Variants in RNGTT observed in about 807,000 individuals in gnomAD.
The protein encoded by RNGTT is RNA guanylyltransferase and 5'-phosphatase, also known as mRNA-capping enzyme.
In RNGTT, 33 loss-of-function variants were observed where a neutral mutation model predicts 79.3. The observed-to-expected ratio is 0.42, with a 90% CI of 0.32 to 0.56. The LOEUF (loss-of-function observed/expected upper bound fraction) is 0.56. Ranked by LOEUF, RNGTT falls within the 20% of genes least tolerant of loss-of-function variation. RNGTT has a pLI of 0.17. For missense variants in RNGTT, 497 were observed against 739.1 expected (o/e 0.67, Z 3.80); for synonymous variants, 222 against 235.9 (o/e 0.94, Z 0.54).
intron 13 of RNGTT, among the ~76,000 whole-genome samples, chr6:88,691,407 T>C (rs547096166): frequency 5.3e-5 from 8 of 152,296 alleles, no homozygotes; most frequent in Non-Finnish European, 1.0e-4. Context: ...TTTATAGCAA[T>C]GCAAGAATGA....
chr6:88,727,340 TTAAAG>T (rs71554794), intron 13 of RNGTT, among the ~76,000 whole-genome samples: 1,570 of 152,326 alleles, frequency 0.01, 17 homozygotes, highest in Non-Finnish European at 0.017. Flanking sequence ...ATTTTTTCTT[TTAAAG>T]GTTTAAGCAA....
At chr6:88,831,899 T>C (rs1780881852) in intron 11 of RNGTT, among the ~76,000 whole-genome samples, 1 of 152,170 alleles carries the variant, frequency 6.6e-6, no homozygotes, top group African/African-American at 2.4e-5. Context: ...GAATGACCTC[T>C]TCAAGGAGAA....
At chr6:88,788,757 T>A (rs1326819171) in intron 12 of RNGTT, among the ~76,000 whole-genome samples, 1 of 152,194 alleles carries the variant, frequency 6.6e-6, no homozygotes, top group Non-Finnish European at 1.5e-5. Flanking sequence ...CCTCTGATGT[T>A]CTATAATTCT....
At chr6:88,842,787 T>C (rs79179750) in intron 11 of RNGTT, among the ~76,000 whole-genome samples, 2,921 of 152,136 alleles carry the variant, frequency 0.019, 86 homozygotes, top group African/African-American at 0.067. Flanking sequence ...AAATGAACTT[T>C]TCAGCCAGGC....
chr6:88,760,570 C>T (rs1384018894), intron 13 of RNGTT, among the ~76,000 whole-genome samples: 1 of 152,104 alleles, frequency 6.6e-6, no homozygotes, highest in East Asian at 1.9e-4. Flanking sequence ...CAACCAGCTA[C>T]ATACCAAATA....
At chr6:88,806,159 CAT>C (rs1318268114) in intron 11 of RNGTT, among the ~76,000 whole-genome samples, 9 of 152,044 alleles carry the variant, frequency 5.9e-5, no homozygotes, top group Non-Finnish European at 1.3e-4. Context: ...CACACACACA[CAT>C]ACACAAAGGA....
At chr6:88,885,075 G>T (rs767273073) in intron 8 of RNGTT, among the ~76,000 whole-genome samples, 3 of 151,774 alleles carry the variant, frequency 2.0e-5, no homozygotes, top group Non-Finnish European at 4.4e-5. Context: ...CATACATACA[G>T]ACAGATACTG....
chr6:88,624,432 A>G (rs1173785341), intron 14 of RNGTT, among the ~76,000 whole-genome samples: 3 of 151,964 alleles, frequency 2.0e-5, no homozygotes, highest in Admixed American at 2.0e-4. Context: ...ATCCACAAAT[A>G]TAAGGTCAAT....
At chr6:88,698,158 G>GAT (rs577285182) in intron 13 of RNGTT, among the ~76,000 whole-genome samples, 4 of 54,126 alleles carry the variant, frequency 7.4e-5, no homozygotes, top group Admixed American at 1.9e-4. Flanking sequence ...AAATACATAT[G>GAT]ATATATATGA....
chr6:88,786,320 T>C (rs561075334), intron 12 of RNGTT, among the ~76,000 whole-genome samples: 2 of 152,304 alleles, frequency 1.3e-5, no homozygotes, highest in African/African-American at 4.8e-5. Flanking sequence ...AAAATCAACT[T>C]ATAAAAGCTA....
At chr6:88,794,708 A>G (rs908967842) in intron 12 of RNGTT, among the ~76,000 whole-genome samples, 1 of 152,258 alleles carries the variant, frequency 6.6e-6, no homozygotes, top group African/African-American at 2.4e-5. Flanking sequence ...AGAAACAGAA[A>G]GGCATCTTTA....
chr6:88,799,599 C>T (rs575814316), intron 12 of RNGTT, among the ~76,000 whole-genome samples: 13 of 149,686 alleles, frequency 8.7e-5, no homozygotes, highest in Middle Eastern at 3.5e-3. Context: ...ACTCAGGAGG[C>T]TGAGGCAGGA....
At chr6:88,955,464 C>T (rs1366676719) in intron 1 of RNGTT, among the ~76,000 whole-genome samples, 1 of 150,476 alleles carries the variant, frequency 6.6e-6, no homozygotes, top group Non-Finnish European at 1.5e-5. Context: ...GCAGCAGAAT[C>T]GCTTGAACAG....
At chr6:88,654,862 A>T (rs1773919311) in intron 14 of RNGTT, among the ~76,000 whole-genome samples, 1 of 152,234 alleles carries the variant, frequency 6.6e-6, no homozygotes, top group Non-Finnish European at 1.5e-5. Flanking sequence ...AAATCAAAAG[A>T]AAAAGAAACA....
chr6:88,749,798 A>AATTTATTAT (rs1777782784), intron 13 of RNGTT, among the ~76,000 whole-genome samples: 1 of 152,114 alleles, frequency 6.6e-6, no homozygotes, highest in Non-Finnish European at 1.5e-5. Flanking sequence ...AAACAACAAA[A>AATTTATTAT]ATTTATTATG....
chr6:88,798,301 C>T (rs572294844), intron 12 of RNGTT, among the ~76,000 whole-genome samples: 11 of 151,914 alleles, frequency 7.2e-5, no homozygotes, highest in East Asian at 5.8e-4. Context: ...CCCGTATCTA[C>T]GAAAAATACA....
intron 4 of RNGTT, among the ~76,000 whole-genome samples, chr6:88,914,297 T>C (rs1384954832): frequency 6.6e-6 from 1 of 151,978 alleles, no homozygotes; most frequent in South Asian, 2.1e-4. Context: ...TTATAAAATA[T>C]GGAACCAAAA....
At chr6:88,874,334 C>T (rs930572655) in intron 8 of RNGTT, among the ~76,000 whole-genome samples, 1 of 152,028 alleles carries the variant, frequency 6.6e-6, no homozygotes, top group South Asian at 2.1e-4. Flanking sequence ...GGCAGCACTA[C>T]CTATCACAGA....
At chr6:88,826,007 T>C (rs373544101) in intron 11 of RNGTT, among the ~76,000 whole-genome samples, 2 of 152,226 alleles carry the variant, frequency 1.3e-5, no homozygotes, top group African/African-American at 4.8e-5. Context: ...ATAGAAAATA[T>C]AGAGTTCTTC....
Sources: allele counts gnomAD v4.1 joint callset (sites outside exome capture counted in the v4.1 genomes callset), GRCh38; gene constraint gnomAD v4.1.1; transcripts MANE v1.5; gene names NCBI Gene and HGNC (gene_info 2026-07-23, HGNC 2026-07-21).